The following MED13L variants were observed in gnomAD, a reference collection of about 807,000 sequenced individuals.
MED13L encodes mediator of RNA polymerase II transcription subunit 13-like.
A neutral mutation model predicts 220.9 loss-of-function variants in MED13L; 7 were observed. The ratio of observed to expected loss-of-function variants is 0.03; its 90% CI spans 0.02 to 0.06. The LOEUF is 0.06. Among genes scored for constraint, MED13L ranks in the 10% least tolerant of loss-of-function variants. The pLI is 1.00. For missense variants in MED13L, 1,965 were observed against 2,760.5 expected (o/e 0.71, Z 6.46); for synonymous variants, 1,011 against 1,015.2 (o/e 1.00, Z 0.08).
chr12:116,242,738 G>C (rs1433892002), intron 1 of MED13L, among the ~76,000 whole-genome samples: 1 of 152,166 alleles, frequency 6.6e-6, no homozygotes, highest in Non-Finnish European at 1.5e-5. Flanking sequence ...GACAGCTAAA[G>C]AAATTAGGAC....
intron 1 of MED13L, among the ~76,000 whole-genome samples, chr12:116,240,770 G>A (rs1477992428): frequency 3.4e-5 from 5 of 148,946 alleles, no homozygotes; most frequent in African/African-American, 4.9e-5. Context: ...CTCGTGACCC[G>A]CCCACCTCCG....
chr12:116,244,542 A>G (rs1870934229), intron 1 of MED13L, among the ~76,000 whole-genome samples: 1 of 152,228 alleles, frequency 6.6e-6, no homozygotes, highest in Non-Finnish European at 1.5e-5. Flanking sequence ...AGAAAGAGAT[A>G]CAACCCAATT....
rs760731908 is a variant in MED13L at position 116,277,099 on chromosome 12, C to T, written c.33G>A (p.Gly11=). 1 of 1,592,072 alleles carries T rather than the reference C, an allele frequency of 6.3e-7. No homozygotes were observed. The highest frequency in any genetic ancestry group is 8.5e-7 in the Non-Finnish European group (1 of 1,171,008). The change falls in exon 1 of 31, where the codon GGG becomes GGA. Residue 11 remains glycine (G), a synonymous_variant. Coordinates refer to ENST00000281928, the MANE Select transcript of MED13L (RefSeq NM_015335.5). ...TGGAGTGACAATCCTCCAGGCTCGCCCCGTTCGCCACCCAGTTCGCTGCCG... is the reference window on the plus strand; with the variant it reads ...TGGAGTGACAATCCTCCAGGCTCGCTCCGTTCGCCACCCAGTTCGCTGCCG... MTAAANWVAN[G]ASLEDCHSNL... is the part of the protein sequence containing the mutation.
At chr12:116,029,381 CA>C (rs1311564851) in intron 4 of MED13L, among the ~76,000 whole-genome samples, 1 of 151,696 alleles carries the variant, frequency 6.6e-6, no homozygotes, top group Admixed American at 6.6e-5. Context: ...TTTTTAAAGA[CA>C]TTTTTAAAAG....
chr12:116,004,745 A>T (rs1878946027), intron 13 of MED13L, among the ~76,000 whole-genome samples: 1 of 152,094 alleles, frequency 6.6e-6, no homozygotes. Context: ...AGTACAATCC[A>T]TTCTTCCAGA....
intron 2 of MED13L, among the ~76,000 whole-genome samples, chr12:116,149,418 T>C (rs1877856077): frequency 6.6e-6 from 1 of 152,216 alleles, no homozygotes; most frequent in Non-Finnish European, 1.5e-5. Flanking sequence ...TTAGATAATA[T>C]GTTTGATTGA....
At chr12:116,014,396 A>G (rs1056158139) in intron 8 of MED13L, among the ~76,000 whole-genome samples, 5 of 152,222 alleles carry the variant, frequency 3.3e-5, no homozygotes, top group African/African-American at 1.2e-4. Flanking sequence ...ATTAAAACAG[A>G]GATGAAACTG....
intron 2 of MED13L, among the ~76,000 whole-genome samples, chr12:116,132,279 C>CA (rs1005783459): frequency 0.051 from 3,890 of 76,898 alleles, 81 homozygotes; most frequent in African/African-American, 0.068. Context: ...TACTTCGTCT[C>CA]AAAAAAAAAA....
intron 4 of MED13L, among the ~76,000 whole-genome samples, chr12:116,070,149 T>C (rs542239297): frequency 2.0e-5 from 3 of 152,330 alleles, no homozygotes; most frequent in African/African-American, 4.8e-5. Flanking sequence ...CCAGGGGTCA[T>C]GTCCAAGGGC....
chr12:115,963,261 GCT>G, intron 30 of MED13L, 144 bp downstream of exon 30: 1 of 725,646 alleles, frequency 1.4e-6, no homozygotes, highest in Non-Finnish European at 2.5e-6. Context: ...AGGGACTGCA[GCT>G]CTCACTGACT....
At chr12:116,255,211 A>T (rs889021616) in intron 1 of MED13L, among the ~76,000 whole-genome samples, 1 of 152,238 alleles carries the variant, frequency 6.6e-6, no homozygotes, top group African/African-American at 2.4e-5. Flanking sequence ...AACTGAATAT[A>T]GAACCCAGAA....
At chr12:116,025,980 A>C (rs775541242) in intron 4 of MED13L, among the ~76,000 whole-genome samples, 3 of 152,202 alleles carry the variant, frequency 2.0e-5, no homozygotes, top group Non-Finnish European at 4.4e-5. Flanking sequence ...AATATGTACA[A>C]TTATTATGTG....
intron 2 of MED13L, among the ~76,000 whole-genome samples, chr12:116,184,593 T>C (rs192349798): frequency 4.7e-4 from 71 of 152,318 alleles, no homozygotes; most frequent in African/African-American, 1.6e-3. Context: ...ATAAATCATT[T>C]ATCCAACCTA....
At chr12:116,060,019 A>G (rs925487436) in intron 4 of MED13L, among the ~76,000 whole-genome samples, 3 of 152,160 alleles carry the variant, frequency 2.0e-5, no homozygotes, top group African/African-American at 7.2e-5. Flanking sequence ...TCTTTTCTAC[A>G]CTGCAGGGCA....
Position 116,015,090 on chromosome 12 carries a change from C to A in MED13L, c.1175+19G>T, listed in dbSNP as rs1879643106. ...GATGGTTACTAAACTATGATCTAGA[C>A]ATAATCGAGAAAACTTACTTGGACT... On this transcript the variant is annotated intron_variant, in intron 8 of 30. Coordinates refer to ENST00000281928, the MANE Select transcript of MED13L (RefSeq NM_015335.5). 1 of 1,605,882 alleles carries A rather than the reference C, an allele frequency of 6.2e-7. No homozygotes were observed. Among genetic ancestry groups the A allele is most frequent in the Non-Finnish European group, 8.5e-7 (1 of 1,172,664 alleles).
intron 4 of MED13L, among the ~76,000 whole-genome samples, chr12:116,045,938 T>C (rs1273259303): frequency 1.3e-5 from 2 of 151,978 alleles, no homozygotes; most frequent in African/African-American, 4.8e-5. Flanking sequence ...CCTAATAAAG[T>C]AGTAGGTAAT....
intron 2 of MED13L, among the ~76,000 whole-genome samples, chr12:116,157,555 A>C (rs1284581437): frequency 6.6e-6 from 1 of 152,216 alleles, no homozygotes; most frequent in African/African-American, 2.4e-5. Flanking sequence ...GTTTTGTCTA[A>C]GTCTCCTCTT....
At chr12:116,023,674 A>G (rs895881567) in intron 4 of MED13L, among the ~76,000 whole-genome samples, 3 of 152,212 alleles carry the variant, frequency 2.0e-5, no homozygotes, top group African/African-American at 4.8e-5. Flanking sequence ...GTATGTTTAG[A>G]TAACATTTTT....
intron 10 of MED13L, 165 bp downstream of exon 10, chr12:116,008,236 A>G: frequency 2.1e-6 from 2 of 967,564 alleles, no homozygotes; most frequent in Non-Finnish European, 3.0e-6. Flanking sequence ...GCTAACCTAT[A>G]AGTAGGACAA....
Sources: gnomAD v4.1 joint callset for allele counts (sites outside exome capture counted in the v4.1 genomes callset) on GRCh38, gnomAD v4.1.1 for gene constraint, MANE v1.5 for transcripts, NCBI Gene and HGNC (gene_info 2026-07-23, HGNC 2026-07-21) for gene names.